SCIN: variants seen among roughly 807,000 people sequenced by gnomAD.
SCIN encodes the protein scinderin, also known as adseverin.
A neutral mutation model predicts 91.8 loss-of-function variants in SCIN; 91 were observed. The observed-to-expected ratio is 0.99, with a 90% CI of 0.84 to 1.18. The LOEUF (loss-of-function observed/expected upper bound fraction) is 1.18, where lower values mean the gene tolerates loss of function less well. Ranked by LOEUF, SCIN falls within the 50% of genes most tolerant of loss-of-function variation. SCIN has a pLI of 0.00. For synonymous variants in SCIN, 367 were observed against 312.6 expected (o/e 1.17, Z -1.84); for missense variants, 1,087 against 863.9 (o/e 1.26, Z -3.24).
At chr7:12,572,156 G>A (rs1351141962) in intron 1 of SCIN, among the ~76,000 whole-genome samples, 3 of 152,154 alleles carry the variant, frequency 2.0e-5, no homozygotes, top group Admixed American at 2.0e-4. Context: ...GCAAACACCT[G>A]GAACAGGCAT....
rs538096635 is a variant in SCIN at position 12,637,110 on chromosome 7, C to T, written c.1410+975C>T. On this transcript the variant is annotated intron_variant, in intron 10 of 15. Coordinates refer to ENST00000297029, the MANE Select transcript of SCIN (RefSeq NM_001112706.3). ...CCCAGTTACTAAATTAGCCCCATAA[C>T]TCATTTCAGACTTATGACCTCCAAA... is the stretch of plus-strand genomic sequence containing the variant. Among the ~76,000 whole-genome samples the T allele has an allele frequency of 3.3e-5, 5 of 152,218 alleles. No individual in the cohort carries two copies. In the East Asian group the frequency reaches 5.8e-4, roughly 18 times the overall value.
intron 13 of SCIN, among the ~76,000 whole-genome samples, chr7:12,645,186 G>A (rs1400209413): frequency 2.6e-5 from 4 of 150,974 alleles, no homozygotes; most frequent in Non-Finnish European, 5.9e-5. Context: ...AGGCATGGTG[G>A]TGGGTGCCTG....
chr7:12,604,750 G>GTGTGTGTGTGT, intron 4 of SCIN, 87 bp downstream of exon 4: 1 of 1,154,996 alleles, frequency 8.7e-7, no homozygotes, highest in Non-Finnish European at 1.2e-6. Flanking sequence ...AAGGCAGCAG[G>GTGTGTGTGTGT]GTGGGGAAGA....
In SCIN at chr7:12,581,115, A is replaced by G. The variant is rs2115211427; in HGVS notation, c.410A>G (p.Lys137Arg). The change falls in exon 3 of 16, where the codon AAG (lysine) becomes AGG (arginine). Residue 137 changes from lysine (K) to arginine (R), a missense_variant. Transcript: ENST00000297029. The stretch of plus-strand genomic sequence containing the variant: ...GTTCTTACGAACGACCTGACAGCCA[A>G]GAGGCTCCTACATGTGAAGGGTCGT... Reference protein sequence around the residue: ...NHVLTNDLTAKRLLHVKGRRV... With the variant: ...NHVLTNDLTARRLLHVKGRRV... 4 of 1,551,472 alleles carry G rather than the reference A, an allele frequency of 2.6e-6. No individual in the cohort carries two copies. Among genetic ancestry groups the G allele is most frequent in the Non-Finnish European group, 3.5e-6 (4 of 1,146,812 alleles).
intron 4 of SCIN, among the ~76,000 whole-genome samples, chr7:12,611,668 C>A (rs2115258929): frequency 6.6e-6 from 1 of 152,242 alleles, no homozygotes; most frequent in East Asian, 1.9e-4. Context: ...AAATGGGGAG[C>A]TTTGTGAAAA....
At chr7:12,581,446 A>G (rs1782486531) in intron 3 of SCIN, among the ~76,000 whole-genome samples, 1 of 152,204 alleles carries the variant, frequency 6.6e-6, no homozygotes, top group South Asian at 2.1e-4. Context: ...TCTTCCTACC[A>G]TAGAACAGAA....
intron 3 of SCIN, among the ~76,000 whole-genome samples, chr7:12,603,497 A>G (rs1583292908): frequency 6.6e-6 from 1 of 152,074 alleles, no homozygotes; most frequent in South Asian, 2.1e-4. Context: ...GTCAGTTTAT[A>G]CCACCCAAAT....
intron 4 of SCIN, among the ~76,000 whole-genome samples, chr7:12,608,857 A>G (rs569488660): frequency 6.5e-4 from 99 of 152,264 alleles, no homozygotes; most frequent in African/African-American, 2.1e-3. Flanking sequence ...AAGTCTCTCT[A>G]TGTGAAAGTT....
chr7:12,601,818 G>C (rs984272899), intron 3 of SCIN, among the ~76,000 whole-genome samples: 4 of 152,130 alleles, frequency 2.6e-5, no homozygotes, highest in African/African-American at 9.7e-5. Flanking sequence ...ATTATTCTAT[G>C]TCTTTATTGT....
intron 4 of SCIN, among the ~76,000 whole-genome samples, chr7:12,618,193 T>C (rs1783337368): frequency 6.6e-6 from 1 of 152,090 alleles, no homozygotes; most frequent in Non-Finnish European, 1.5e-5. Flanking sequence ...TTCCTTAAAA[T>C]TAAATAAAAT....
chr7:12,604,710 T>C, intron 4 of SCIN, 47 bp downstream of exon 4: 1 of 1,426,108 alleles, frequency 7.0e-7, no homozygotes, highest in Non-Finnish European at 9.3e-7. Flanking sequence ...CTCCAACTCG[T>C]ATGTGTCTGT....
Position 12,629,209 on chromosome 7 carries a change from A to G in SCIN, c.1306A>G (p.Ile436Val), listed in dbSNP as rs1783593506. The G allele has an allele frequency of 1.9e-6, 3 of 1,611,112 alleles. No individual in the cohort carries two copies. The highest frequency in any genetic ancestry group is 2.5e-6 in the Non-Finnish European group (3 of 1,179,060). ...IILYTYPRGQ[I>V]IYTWQGANAT... ...ACTCTACACCTATCCCAGAGGACAG[A>G]TTATCTACACGTGGTGAGTTTATAC... The change falls in exon 9 of 16, where the codon ATT becomes GTT. Residue 436 changes from isoleucine (I) to valine (V), a missense_variant. Transcript: ENST00000297029.
At chr7:12,630,010 G>A (rs887428670) in intron 9 of SCIN, among the ~76,000 whole-genome samples, 4 of 152,006 alleles carry the variant, frequency 2.6e-5, no homozygotes, top group South Asian at 2.1e-4. Flanking sequence ...GGCTGTGGGC[G>A]TAAGGTACAA....
intron 3 of SCIN, chr7:12,596,341 C>A (rs763209633): frequency 6.6e-6 from 3 of 456,092 alleles, no homozygotes; most frequent in Non-Finnish European, 1.3e-5. Context: ...TTGCTTCTCC[C>A]TGACGTCTGC....
chr7:12,635,611 C>CAAAAAAAAA (rs59324421), intron 9 of SCIN, among the ~76,000 whole-genome samples: 68 of 5,852 alleles, frequency 0.012, 20 homozygotes, highest in Non-Finnish European at 0.022. Context: ...GACTCCGTCT[C>CAAAAAAAAA]AAAAAAAAAA....
chr7:12,651,978 C>T lies in SCIN; in HGVS notation c.2020+77C>T, dbSNP rs1242881933. On this transcript the variant is annotated intron_variant, in intron 15 of 15. Coordinates refer to ENST00000297029, the MANE Select transcript of SCIN (RefSeq NM_001112706.3). The surrounding 1 kb of genome is among the most constrained non-coding windows in gnomAD (Gnocchi z 5.9). ...GAGTGTCTGGCTTGCTCTTTGCCAC[C>T]ATGTCTTACAAAAATACATTTCAAA... 6 of 904,310 alleles carry T rather than the reference C, an allele frequency of 6.6e-6. No homozygotes were observed. Among genetic ancestry groups the T allele is most frequent in the Admixed American group, 2.4e-5 (1 of 41,168 alleles). 56.0% of individuals were successfully genotyped at this position (904,310 alleles called of 1,614,324 possible). A position where few individuals can be genotyped will look rare whatever the true frequency, so the allele number is the denominator to read the frequency against.
chr7:12,633,965 GTTT>G (rs10707073), intron 9 of SCIN, among the ~76,000 whole-genome samples: 1 of 143,250 alleles, frequency 7.0e-6, no homozygotes, highest in African/African-American at 2.6e-5. Flanking sequence ...TTGTGTGCAT[GTTT>G]TTTTTTTTTT....
At chr7:12,581,358 G>C (rs1421993815) in intron 3 of SCIN, 137 bp downstream of exon 3, 10 of 781,882 alleles carry the variant, frequency 1.3e-5, no homozygotes, top group Non-Finnish European at 2.0e-5. Flanking sequence ...CTGAGTAATT[G>C]CCAAGTATTT....
Position 12,644,283 on chromosome 7 carries a change from A to C in SCIN, c.1727A>C (p.Lys576Thr). The C allele has an allele frequency of 6.3e-7, 1 of 1,596,076 alleles. No individual in the cohort carries two copies. Among genetic ancestry groups the C allele is most frequent in the South Asian group, 1.1e-5 (1 of 88,032 alleles). ...TATGTAGCAAGTGTCCTAAAGTGCA[A>C]AACCTTAAGGATCCAAGAAGGCGAG... ...AEYVASVLKCKTLRIQEGEEP... is the reference protein window; with the variant it reads ...AEYVASVLKCTTLRIQEGEEP... Residue 576 changes from lysine (K) to threonine (T), a missense_variant, in exon 12 of 16, where the codon AAA (lysine) becomes ACA (threonine). Transcript: ENST00000297029.
Sources: gnomAD v4.1 joint callset for allele counts (sites outside exome capture counted in the v4.1 genomes callset) on GRCh38, gnomAD v4.1.1 for gene constraint, Gnocchi (gnomAD v3.1) non-coding constraint, MANE v1.5 for transcripts, NCBI Gene and HGNC (gene_info 2026-07-23, HGNC 2026-07-21) for gene names.